C11orf21: variants seen among roughly 807,000 people sequenced by gnomAD.
C11orf21 encodes chromosome 11 open reading frame 21.
A neutral mutation model predicts 15.2 loss-of-function variants in C11orf21; 19 were observed. The ratio of observed to expected loss-of-function variants is 1.25; its 90% CI spans 0.87 to 1.84. The LOEUF (loss-of-function observed/expected upper bound fraction) is 1.84, where lower values mean the gene tolerates loss of function less well. Among genes scored for constraint, C11orf21 ranks in the 40% most tolerant of loss-of-function variants. C11orf21 has a pLI of 0.00. For synonymous variants in C11orf21, 62 were observed against 66.8 expected, an observed-to-expected ratio of 0.93 and a Z score of 0.35; for missense variants, 171 against 174.4, an observed-to-expected ratio of 0.98 and a Z score of 0.11.
rs1271609908 is a variant in C11orf21, at chr11:2,295,957, C to T, written c.*1993G>A. On this transcript the variant is annotated 3_prime_UTR_variant, in exon 4 of 4. Coordinates refer to ENST00000381153, the MANE Select transcript of C11orf21 (RefSeq NM_001329958.2). The surrounding 1 kb of genome is among the most constrained non-coding windows in gnomAD (Gnocchi z 5.4). The stretch of plus-strand genomic sequence containing the variant: ...GATCAATGGCTGTAGACCAGGTGTC[C>T]GGGGATGCTTTGATTTGCCCCAGTG... The T allele has an allele frequency of 1.3e-5, 2 of 152,124 alleles. No homozygotes were observed. The highest frequency in any genetic ancestry group is 2.9e-5 in the Non-Finnish European group (2 of 68,020). 9.4% of individuals were successfully genotyped at this position (152,124 alleles called of 1,614,324 possible).
At position 2,299,724 on chromosome 11, in the gene C11orf21, T is replaced by C; in HGVS notation, c.148-17A>G. The C allele has an allele frequency of 5.2e-6, 8 of 1,549,270 alleles. No homozygotes were observed. Among genetic ancestry groups the C allele is most frequent in the Non-Finnish European group, 7.0e-6 (8 of 1,145,736 alleles). ...AGGGGCCTCCTGGTGGGTAAGGACA[T>C]TGTAGAGTGAGCGGGCGCACCTGGG... On this transcript the variant is annotated splice_polypyrimidine_tract_variant and intron_variant, in intron 2 of 3. Coordinates refer to ENST00000381153, the MANE Select transcript of C11orf21 (RefSeq NM_001329958.2).
At chr11:2,303,093 G>A (rs555962816), upstream of C11orf21, 3 of 771,796 alleles carry the variant, frequency 3.9e-6, no homozygotes. Flanking sequence ...CAGGGGCAGG[G>A]AGGGGCTGCC....
chr11:2,302,785 G>A (rs772819606), upstream of C11orf21: 15 of 1,461,692 alleles, frequency 1.0e-5, no homozygotes, highest in Admixed American at 5.4e-5. Flanking sequence ...CGCTGGGGCC[G>A]AGCTCCCTGC....
intron 1 of C11orf21, 161 bp from the exon 2 acceptor site, chr11:2,300,774 G>A (rs1847703152): frequency 6.4e-7 from 1 of 1,550,606 alleles, no homozygotes; most frequent in Non-Finnish European, 8.7e-7. Context: ...CAATTCTAGG[G>A]GCGAACCAGA....
chr11:2,299,778 A>G, intron 2 of C11orf21, 71 bp from the exon 3 acceptor site: 1 of 1,533,438 alleles, frequency 6.5e-7, no homozygotes, highest in Middle Eastern at 1.8e-4. Flanking sequence ...AGGAGAGAGG[A>G]AAAAGGAAGT....
Position 2,297,233 on chromosome 11 carries a change from G to T in C11orf21, c.*717C>A, listed in dbSNP as rs77164763. The stretch of plus-strand genomic sequence containing the variant: ...AGACCCCAAGCCACCCACTGAGGTT[G>T]CTTCTCAGGGGAGCACCACTGGTGG... On this transcript the variant is annotated 3_prime_UTR_variant, in exon 4 of 4. Coordinates refer to ENST00000381153, the MANE Select transcript of C11orf21 (RefSeq NM_001329958.2). 920 of 152,458 alleles carry T rather than the reference G, an allele frequency of 6.0e-3. 7 individuals are homozygous for T. Among genetic ancestry groups the T allele is most frequent in the Middle Eastern group, 0.017 (5 of 294 alleles). The allele number at this position is 152,458 out of a possible 1,614,324, so 9.4% of individuals were successfully genotyped here. A position where few individuals can be genotyped will look rare whatever the true frequency, so the allele number is the denominator to read the frequency against.
upstream of C11orf21, among the ~76,000 whole-genome samples, chr11:2,302,401 G>A (rs999098776): frequency 3.9e-5 from 6 of 152,218 alleles, no homozygotes; most frequent in Admixed American, 3.9e-4. Flanking sequence ...ACCACCATGA[G>A]CAACCCCGTC....
intron 2 of C11orf21, 84 bp downstream of exon 2, chr11:2,300,436 G>T (rs1847682617): frequency 6.0e-6 from 5 of 836,344 alleles, no homozygotes; most frequent in Non-Finnish European, 9.4e-6. Flanking sequence ...GGGGTGGGAG[G>T]GTGTGGCTCA....
rs914946001 is a variant in C11orf21, at chr11:2,296,968, C to G, written c.*982G>C. On this transcript the variant is annotated 3_prime_UTR_variant, in exon 4 of 4. Coordinates refer to ENST00000381153, the MANE Select transcript of C11orf21 (RefSeq NM_001329958.2). The surrounding 1 kb of genome is among the most constrained non-coding windows in gnomAD (Gnocchi z 5.6). ...GATCACTCCGGCTGACGCAGGGGTGCGGCCCACATGTGAGGGACCCTCAGG... is the reference window on the plus strand; with the variant it reads ...GATCACTCCGGCTGACGCAGGGGTGGGGCCCACATGTGAGGGACCCTCAGG... 6.6e-6 allele frequency: 1 copy of G among 152,312 alleles called. No homozygotes were observed. Among genetic ancestry groups the G allele is most frequent in the Admixed American group, 6.5e-5 (1 of 15,274 alleles). 9.4% of individuals were successfully genotyped at this position (152,312 alleles called of 1,614,324 possible). A position where few individuals can be genotyped will look rare whatever the true frequency, so the allele number is the denominator to read the frequency against.
chr11:2,299,352 C>T, intron 3 of C11orf21, 76 bp downstream of exon 3: 3 of 1,440,470 alleles, frequency 2.1e-6, no homozygotes, highest in Non-Finnish European at 2.8e-6. Context: ...TCTTGAGTGC[C>T]TCCCCGGTGG....
intron 1 of C11orf21, chr11:2,301,505 T>C: frequency 2.3e-6 from 1 of 428,140 alleles, no homozygotes; most frequent in Non-Finnish European, 4.2e-6. Flanking sequence ...CCCACGTGAG[T>C]GTGAGCGAGG....
rs1847633521 is a variant in C11orf21, at chr11:2,299,764, AG to A, written c.148-58del. The A allele has an allele frequency of 1.9e-6, 3 of 1,542,530 alleles. No homozygotes were observed. In the East Asian group the frequency reaches 7.4e-5, roughly 38 times the overall value. Reference sequence around the variant, plus strand: ...GCGCACCTGGGACCCAGGAATTCACAGGAAGGAGAGAGGAAAAAGGAAGTCC... The same window carrying A: ...GCGCACCTGGGACCCAGGAATTCACAGAAGGAGAGAGGAAAAAGGAAGTCC... On this transcript the variant is annotated intron_variant, in intron 2 of 3. Coordinates refer to ENST00000381153, the MANE Select transcript of C11orf21 (RefSeq NM_001329958.2).
At chr11:2,303,013 C>A, upstream of C11orf21, 1 of 1,499,082 alleles carries the variant, frequency 6.7e-7, no homozygotes, top group South Asian at 1.2e-5. Context: ...GCAAGGGTGG[C>A]TGGCACGAGC....
chr11:2,301,598 AC>A, intron 1 of C11orf21, 157 bp downstream of exon 1: 1 of 636,816 alleles, frequency 1.6e-6, no homozygotes. Context: ...AAAACCAACG[AC>A]CTTCTCAAAA....
chr11:2,298,074 G>A (rs773914919), intron 3 of C11orf21, among the ~76,000 whole-genome samples, 153 bp from the exon 4 acceptor site: 11 of 152,156 alleles, frequency 7.2e-5, no homozygotes, highest in Non-Finnish European at 1.2e-4. Context: ...ATCTCATTGC[G>A]GGGCAGGGCT....
Position 2,299,683 on chromosome 11 carries a change from G to T in C11orf21, c.172C>A (p.Pro58Thr). The change falls in exon 3 of 4, where the codon CCT becomes ACT. Residue 58 changes from proline (P) to threonine (T), a missense_variant. Physicochemically the swap from Pro to Thr is conservative, Grantham distance 38. Coordinates refer to ENST00000381153, the MANE Select transcript of C11orf21 (RefSeq NM_001329958.2). Reference sequence around the variant, plus strand: ...TGGGCGGAGGGTTGGGCAGCTGCAGGTGGCATCATTGAGCCAGGGGCCTCC... The same window carrying T: ...TGGGCGGAGGGTTGGGCAGCTGCAGTTGGCATCATTGAGCCAGGGGCCTCC... Reference protein sequence around the residue: ...DQEAPGSMMPPAAAQPSAHGA... With the variant: ...DQEAPGSMMPTAAAQPSAHGA... 1.3e-6 allele frequency: 2 copies of T among 1,551,078 alleles called. No individual in the cohort carries two copies. Among genetic ancestry groups the T allele is most frequent in the Non-Finnish European group, 8.7e-7 (1 of 1,146,908 alleles).
rs76765539 is a variant in C11orf21, at chr11:2,300,742, G to A, written c.54-129C>T. The stretch of plus-strand genomic sequence containing the variant: ...TCCAGGCCCGCCTCACCAGCTCCAG[G>A]GAGGTCAAGGTTGGAGAGAGACAAT... On this transcript the variant is annotated intron_variant, in intron 1 of 3. Transcript: ENST00000381153. 5.0e-5 allele frequency: 78 copies of A among 1,550,968 alleles called. No homozygotes were observed. In the East Asian group the frequency reaches 1.8e-3, roughly 36 times the overall value.
At chr11:2,302,666 C>T (rs531005475), upstream of C11orf21, 155 of 608,698 alleles carry the variant, frequency 2.5e-4, 1 homozygote, top group East Asian at 3.8e-3. Flanking sequence ...TGTGCTGGGG[C>T]GTCTGCAGTG....
Position 2,296,068 on chromosome 11 carries a change from C to A in C11orf21, c.*1882G>T, listed in dbSNP as rs985469108. On this transcript the variant is annotated 3_prime_UTR_variant, in exon 4 of 4. Transcript: ENST00000381153. This position sits in a 1 kb window ranked among gnomAD's most constrained non-coding sequence, Gnocchi z 5.6. ...TCACTGTCCTTCTTTCTCCGGGACC[C>A]CCCTGTCTTCCACACAAGCCAATTA... 1 of 152,138 alleles carries A rather than the reference C, an allele frequency of 6.6e-6. No homozygotes were observed. The highest frequency in any genetic ancestry group is 2.4e-5 in the African/African-American group (1 of 41,420). 9.4% of individuals were successfully genotyped at this position (152,138 alleles called of 1,614,324 possible).
Sources: gnomAD v4.1 joint callset for allele counts (sites outside exome capture counted in the v4.1 genomes callset) on GRCh38, gnomAD v4.1.1 for gene constraint, Gnocchi (gnomAD v3.1) non-coding constraint, MANE v1.5 for transcripts, NCBI Gene and HGNC (gene_info 2026-07-23, HGNC 2026-07-21) for gene names.